GSR: variants seen among roughly 807,000 people sequenced by gnomAD.
GSR encodes the protein glutathione-disulfide reductase.
Under a neutral mutation model 56.5 loss-of-function variants are expected in GSR, and 48 were observed. That is an observed-to-expected ratio of 0.85 (90% CI 0.67 to 1.08). GSR has a LOEUF of 1.08. GSR is among the 50% of genes least tolerant of loss of function. The pLI, the probability that GSR is intolerant of heterozygous loss-of-function variation, is 0.00. For missense variants in GSR, 694 were observed against 703.3 expected, an observed-to-expected ratio of 0.99 and a Z score of 0.15; for synonymous variants, 264 against 270.8, an observed-to-expected ratio of 0.97 and a Z score of 0.25.
chr8:30,686,445 G>A (rs1186589805), intron 9 of GSR, among the ~76,000 whole-genome samples: 1 of 151,990 alleles, frequency 6.6e-6, no homozygotes, highest in African/African-American at 2.4e-5. Flanking sequence ...CAGCACTTTG[G>A]GAAGCTGAGG....
At chr8:30,720,314 T>A (rs1395023920) in intron 1 of GSR, among the ~76,000 whole-genome samples, 1 of 152,170 alleles carries the variant, frequency 6.6e-6, no homozygotes, top group Non-Finnish European at 1.5e-5. Flanking sequence ...CTGCCTAAAA[T>A]CTAATTCAAG....
rs1382596446 is a variant in GSR at position 30,691,744 on chromosome 8, A to AAT, written c.882+1223_882+1224dup. On this transcript the variant is annotated intron_variant, in intron 8 of 12. Transcript: ENST00000221130. ...CCTAAAAAATAAATATAAATCTAAA[A>AAT]ATATTAAGGATGTGTAATAAGACAC... Among the ~76,000 whole-genome samples, 5 of 152,236 alleles carry AAT rather than the reference A, an allele frequency of 3.3e-5. No individual in the cohort carries two copies. The East Asian group carries it at 7.7e-4, about 23-fold the overall frequency.
At chr8:30,726,183 G>A (rs552392776) in intron 1 of GSR, among the ~76,000 whole-genome samples, 1 of 152,262 alleles carries the variant, frequency 6.6e-6, no homozygotes, top group South Asian at 2.1e-4. Context: ...CCAAGGCACT[G>A]AACAATGAAG....
At position 30,679,399 on chromosome 8, in the gene GSR, T is replaced by A. The variant is rs913356131; in HGVS notation, c.*121A>T. On this transcript the variant is annotated 3_prime_UTR_variant, in exon 13 of 13. Coordinates refer to ENST00000221130, the MANE Select transcript of GSR (RefSeq NM_000637.5). The stretch of plus-strand genomic sequence containing the variant: ...TATTATGTACTAAAAATTTCCACTA[T>A]CAGAAGATCCTGATTAAAATAAAGA... The A allele has an allele frequency of 1.0e-6, 1 of 982,750 alleles. No homozygotes were observed. The highest frequency in any genetic ancestry group is 1.6e-5 in the African/African-American group (1 of 62,082). The allele number at this position is 982,750 out of a possible 1,614,324, so 60.9% of individuals were successfully genotyped here.
Position 30,681,857 on chromosome 8 carries a change from G to T in GSR, c.1285+73C>A. The stretch of plus-strand genomic sequence containing the variant: ...GAGATAGGTTTCATCAGCTGACAGA[G>T]ACCTAATTTAAAGTTGGGGGCAGGG... On this transcript the variant is annotated intron_variant, in intron 11 of 12. Transcript: ENST00000221130. 2.9e-6 allele frequency: 4 copies of T among 1,378,862 alleles called. No homozygotes were observed. The South Asian group carries it at 3.5e-5, about 12-fold the overall frequency. The allele number at this position is 1,378,862 out of a possible 1,614,324, so 85.4% of individuals were successfully genotyped here. A position where few individuals can be genotyped will look rare whatever the true frequency, so the allele number is the denominator to read the frequency against.
chr8:30,727,143 C>T (rs919427923), intron 1 of GSR: 5 of 187,008 alleles, frequency 2.7e-5, no homozygotes, highest in Non-Finnish European at 5.5e-5. Flanking sequence ...TCTATGGCAC[C>T]GTCACCCTCG....
In GSR at chr8:30,716,760, T is replaced by C. The variant is rs541452775; in HGVS notation, c.307-4672A>G. Reference sequence around the variant, plus strand: ...AGGTCAAGGCTACAGTGAGCCGAGATAGCACCACTGCACTCCAGCTTGGGC... The same window carrying C: ...AGGTCAAGGCTACAGTGAGCCGAGACAGCACCACTGCACTCCAGCTTGGGC... On this transcript the variant is annotated intron_variant, in intron 1 of 12. Coordinates refer to ENST00000221130, the MANE Select transcript of GSR (RefSeq NM_000637.5). Among the ~76,000 whole-genome samples, 7 of 152,012 alleles carry C rather than the reference T, an allele frequency of 4.6e-5. No homozygotes were observed. The East Asian group carries it at 1.2e-3, about 25-fold the overall frequency.
In GSR at chr8:30,696,477, C is replaced by T. The variant is rs750234827; in HGVS notation, c.698G>A (p.Arg233His). 110 of 1,601,504 alleles carry T rather than the reference C, an allele frequency of 6.9e-5. 1 individual carries two copies. Among genetic ancestry groups the T allele is most frequent in the East Asian group, 3.8e-4 (17 of 44,836 alleles). The change falls in exon 7 of 13, where the codon CGC becomes CAC. Residue 233 changes from arginine (R) to histidine (H), a missense_variant and splice_region_variant. Physicochemically the swap from Arg to His is conservative, Grantham distance 29. Transcript: ENST00000221130. ...GFFQLEELPG[R>H]SVIVGAGYIA... ...GTAACCTGCACCAACAATGACGCTG[C>T]GGCTGAGACGCGAGCAGAGGGTTAG...
intron 9 of GSR, among the ~76,000 whole-genome samples, chr8:30,685,985 C>CAAAAAAAAAAA (rs71206274): frequency 3.5e-4 from 13 of 37,240 alleles, no homozygotes; most frequent in African/African-American, 1.0e-3. Flanking sequence ...GACTCTGCCT[C>CAAAAAAAAAAA]AAAAAAAAAA....
intron 4 of GSR, among the ~76,000 whole-genome samples, chr8:30,703,610 G>A (rs1563537246): frequency 6.6e-6 from 1 of 151,948 alleles, no homozygotes; most frequent in Non-Finnish European, 1.5e-5. Context: ...AGCCATGCAT[G>A]GTGCTGCACA....
rs1362065797 is a variant in GSR at position 30,678,356 on chromosome 8, TATA to T, written c.*1161_*1163del. Reference sequence around the variant, plus strand: ...CATAAAAATAATATATATATATATATATATTTTTTTTTTTTTTTTTTGAGACAG... The same window carrying T: ...CATAAAAATAATATATATATATATATTTTTTTTTTTTTTTTTTTGAGACAG... On this transcript the variant is annotated 3_prime_UTR_variant, in exon 13 of 13. Transcript: ENST00000221130. 1.2e-4 allele frequency: 5 copies of T among 42,254 alleles called. No individual in the cohort carries two copies. The highest frequency in any genetic ancestry group is 1.6e-4 in the Non-Finnish European group (4 of 25,358). 2.6% of individuals were successfully genotyped at this position (42,254 alleles called of 1,614,324 possible). A position where few individuals can be genotyped will look rare whatever the true frequency, so the allele number is the denominator to read the frequency against.
intron 8 of GSR, among the ~76,000 whole-genome samples, chr8:30,689,959 TTTTA>T (rs560850824): frequency 0.011 from 1,504 of 141,504 alleles, 10 homozygotes; most frequent in Non-Finnish European, 0.016. Context: ...ATATGTATAT[TTTTA>T]TTTATTATAT....
intron 9 of GSR, among the ~76,000 whole-genome samples, chr8:30,687,119 G>C (rs1051920577): frequency 1.3e-5 from 2 of 151,998 alleles, no homozygotes; most frequent in Admixed American, 1.3e-4. Context: ...TTACAGGTGT[G>C]AGCCACGGCG....
chr8:30,697,427 AAACAAAC>A (rs1204009501), intron 6 of GSR, among the ~76,000 whole-genome samples: 21 of 50,484 alleles, frequency 4.2e-4, no homozygotes, highest in African/African-American at 1.0e-3. Flanking sequence ...AAAACAAAAC[AAACAAAC>A]AAACAAACAA....
At chr8:30,718,506 C>T (rs974340657) in intron 1 of GSR, among the ~76,000 whole-genome samples, 6 of 152,284 alleles carry the variant, frequency 3.9e-5, no homozygotes, top group Admixed American at 2.0e-4. Flanking sequence ...ATTATTTCTG[C>T]GTCTGCTGGC....
At chr8:30,695,962 C>G (rs1014546511) in intron 7 of GSR, among the ~76,000 whole-genome samples, 1 of 152,098 alleles carries the variant, frequency 6.6e-6, no homozygotes, top group Non-Finnish European at 1.5e-5. Context: ...CTCGCTTGAG[C>G]CCAGGAGGCA....
intron 7 of GSR, among the ~76,000 whole-genome samples, chr8:30,695,226 T>A (rs1370718890): frequency 2.0e-5 from 3 of 152,032 alleles, no homozygotes; most frequent in African/African-American, 4.8e-5. Context: ...TTTTTGCAGT[T>A]TTTTTGTTTT....
At chr8:30,723,939 C>T (rs539744361) in intron 1 of GSR, among the ~76,000 whole-genome samples, 1 of 152,292 alleles carries the variant, frequency 6.6e-6, no homozygotes, top group South Asian at 2.1e-4. Context: ...CAACCAATCT[C>T]ACTACCTGTA....
chr8:30,693,144 A>C (rs574525306), intron 7 of GSR, 89 bp from the exon 8 acceptor site: 42 of 785,756 alleles, frequency 5.3e-5, no homozygotes, highest in Non-Finnish European at 7.7e-5. Context: ...CTTCAGCATT[A>C]TCTCTCCCCT....
Sources: gnomAD v4.1 joint callset for allele counts (sites outside exome capture counted in the v4.1 genomes callset) on GRCh38, gnomAD v4.1.1 for gene constraint, MANE v1.5 for transcripts, NCBI Gene and HGNC (gene_info 2026-07-23, HGNC 2026-07-21) for gene names.